SUSD4: variants seen among roughly 807,000 people sequenced by gnomAD.
SUSD4 encodes the protein sushi domain-containing protein 4.
A neutral mutation model predicts 50.5 loss-of-function variants in SUSD4; 41 were observed. The observed-to-expected ratio is 0.81, with a 90% CI of 0.63 to 1.05. The LOEUF is 1.05. Among genes scored for constraint, SUSD4 ranks in the 50% least tolerant of loss-of-function variants. The probability of loss-of-function intolerance (pLI) is 0.00; values close to 1 mark genes in which losing one functional copy is unlikely to be tolerated. For missense variants in SUSD4, 580 were observed against 634.7 expected, an observed-to-expected ratio of 0.91 and a Z score of 0.93; for synonymous variants, 257 against 257.3, an observed-to-expected ratio of 1.00 and a Z score of 0.01.
intron 5 of SUSD4, among the ~76,000 whole-genome samples, chr1:223,251,273 T>C (rs1450793491): frequency 6.6e-6 from 1 of 152,224 alleles, no homozygotes; most frequent in African/African-American, 2.4e-5. Flanking sequence ...AGGAAGCTTA[T>C]AATCATGGCA....
At chr1:223,326,223 C>A (rs1306695130) in intron 2 of SUSD4, among the ~76,000 whole-genome samples, 1 of 152,098 alleles carries the variant, frequency 6.6e-6, no homozygotes, top group Non-Finnish European at 1.5e-5. Context: ...TGATCTTCAA[C>A]AAGGCATACA....
intron 5 of SUSD4, among the ~76,000 whole-genome samples, chr1:223,232,490 C>T (rs1281845840): frequency 1.3e-5 from 2 of 152,210 alleles, no homozygotes; most frequent in East Asian, 1.9e-4. Flanking sequence ...CTGAGGGCCA[C>T]TGTAGGATTA....
At position 223,221,301 on chromosome 1, in the gene SUSD4, A is replaced by C. The variant is rs1037801192; in HGVS notation, c.*891T>G. ...GAACAATGACAATTGTCAACTAGAG[A>C]GAGGCTCATGATTCTGAGATAAATG... On this transcript the variant is annotated 3_prime_UTR_variant, in exon 9 of 9. Transcript: ENST00000366878. The C allele has an allele frequency of 2.5e-6, 1 of 393,778 alleles. No homozygotes were observed. Among genetic ancestry groups the C allele is most frequent in the Non-Finnish European group, 4.5e-6 (1 of 223,590 alleles). 24.4% of individuals were successfully genotyped at this position (393,778 alleles called of 1,614,324 possible). A position where few individuals can be genotyped will look rare whatever the true frequency, so the allele number is the denominator to read the frequency against.
At position 223,358,395 on chromosome 1, in the gene SUSD4, G is replaced by T. The variant is rs17163838; in HGVS notation, c.148+4883C>A. On this transcript the variant is annotated intron_variant, in intron 2 of 8. Coordinates refer to ENST00000366878, the MANE Select transcript of SUSD4 (RefSeq NM_017982.4). ...GGGGAAGTCACACCACTTGACCAAA[G>T]CTAGGTGGCAATTTAAGGACAGAGG... is the stretch of plus-strand genomic sequence containing the variant. Among the ~76,000 whole-genome samples the T allele has an allele frequency of 6.6e-3, 1,004 of 152,308 alleles. 28 individuals are homozygous for T. In the East Asian group the frequency reaches 0.086, roughly 13 times the overall value.
chr1:223,268,636 T>C lies in SUSD4; in HGVS notation c.401A>G (p.Asn134Ser), dbSNP rs143780782. 7.6e-5 allele frequency: 122 copies of C among 1,613,586 alleles called. No homozygotes were observed. The highest frequency in any genetic ancestry group is 9.9e-5 in the Non-Finnish European group (117 of 1,179,916). Residue 134 changes from asparagine (N) to serine (S), a missense_variant, in exon 4 of 9, where the codon AAC becomes AGC. Coordinates refer to ENST00000366878, the MANE Select transcript of SUSD4 (RefSeq NM_017982.4). ...IPQIEDAEIH[N>S]KTYRHGEKLI... ...CTTCTCTCCATGTCTATATGTCTTGTTATGAATCTCAGCATCTTCGATTTG... is the reference window on the plus strand; with the variant it reads ...CTTCTCTCCATGTCTATATGTCTTGCTATGAATCTCAGCATCTTCGATTTG...
intron 2 of SUSD4, among the ~76,000 whole-genome samples, chr1:223,359,594 T>A (rs932151079): frequency 2.6e-5 from 4 of 152,248 alleles, no homozygotes; most frequent in African/African-American, 7.2e-5. Context: ...AATTTGGGAA[T>A]CTTTTTTCTT....
chr1:223,317,907 G>A (rs1666318772), intron 2 of SUSD4, among the ~76,000 whole-genome samples: 2 of 104,188 alleles, frequency 1.9e-5, no homozygotes, highest in Admixed American at 1.2e-4. Context: ...TGCACATTGT[G>A]CAGGTTAGTT....
intron 2 of SUSD4, among the ~76,000 whole-genome samples, chr1:223,298,495 G>A (rs1033243766): frequency 6.6e-6 from 1 of 152,172 alleles, no homozygotes; most frequent in Non-Finnish European, 1.5e-5. Context: ...GCCAGAGGTA[G>A]GTCTACACGA....
intron 3 of SUSD4, among the ~76,000 whole-genome samples, chr1:223,281,221 A>C (rs889694062): frequency 2.6e-5 from 4 of 152,208 alleles, no homozygotes; most frequent in African/African-American, 9.6e-5. Flanking sequence ...AGCAGAAGGC[A>C]AGAAATAACT....
At chr1:223,360,309 G>A (rs1668903544) in intron 2 of SUSD4, 1 of 459,650 alleles carries the variant, frequency 2.2e-6, no homozygotes. Context: ...CTGGTCAAGT[G>A]TACTGGGGCA....
At chr1:223,234,858 A>C in intron 5 of SUSD4, 1 of 1,428,540 alleles carries the variant, frequency 7.0e-7, no homozygotes, top group Non-Finnish European at 9.2e-7. Context: ...TCTTCCCTTG[A>C]TGCACTAACA....
intron 5 of SUSD4, among the ~76,000 whole-genome samples, chr1:223,262,150 C>A (rs932036500): frequency 1.3e-5 from 2 of 152,142 alleles, no homozygotes; most frequent in African/African-American, 2.4e-5. Flanking sequence ...GCGACAGGTA[C>A]CCTGAGTGTG....
intron 2 of SUSD4, chr1:223,360,291 G>A (rs778991633): frequency 1.7e-5 from 8 of 468,270 alleles, no homozygotes; most frequent in Non-Finnish European, 8.9e-6. Context: ...TCAAAGCCCA[G>A]CAGGTCTCTG....
intron 3 of SUSD4, among the ~76,000 whole-genome samples, chr1:223,287,210 G>A (rs1280295016): frequency 6.6e-6 from 1 of 152,170 alleles, no homozygotes; most frequent in Non-Finnish European, 1.5e-5. Flanking sequence ...CAGAGTAGCT[G>A]GGATCATAGG....
intron 2 of SUSD4, among the ~76,000 whole-genome samples, chr1:223,300,536 C>T (rs1396294754): frequency 2.0e-5 from 3 of 152,098 alleles, no homozygotes; most frequent in African/African-American, 7.2e-5. Context: ...GTTATTATAA[C>T]TGAAAAGTCA....
intron 4 of SUSD4, among the ~76,000 whole-genome samples, chr1:223,265,428 G>A (rs976873048): frequency 2.6e-5 from 4 of 152,092 alleles, no homozygotes; most frequent in African/African-American, 4.8e-5. Flanking sequence ...AGAATGATCC[G>A]GAGGGCTTGT....
chr1:223,242,394 T>C (rs900245730), intron 5 of SUSD4, among the ~76,000 whole-genome samples: 1 of 152,192 alleles, frequency 6.6e-6, no homozygotes, highest in Admixed American at 6.5e-5. Context: ...TCTGGCATGC[T>C]GTGGGGGTTT....
intron 2 of SUSD4, among the ~76,000 whole-genome samples, chr1:223,304,657 C>T (rs1468095305): frequency 1.3e-5 from 2 of 150,850 alleles, no homozygotes; most frequent in Non-Finnish European, 3.0e-5. Context: ...CAAAAACATA[C>T]GTACTTTCAA....
At chr1:223,293,546 G>A (rs1220870726) in intron 2 of SUSD4, among the ~76,000 whole-genome samples, 2 of 152,178 alleles carry the variant, frequency 1.3e-5, no homozygotes, top group Non-Finnish European at 2.9e-5. Context: ...GAGACTGACT[G>A]AAAGAGAGAG....
Sources: gnomAD v4.1 joint callset for allele counts (sites outside exome capture counted in the v4.1 genomes callset) on GRCh38, gnomAD v4.1.1 for gene constraint, MANE v1.5 for transcripts, NCBI Gene and HGNC (gene_info 2026-07-23, HGNC 2026-07-21) for gene names.